STK39: variants seen among roughly 807,000 people sequenced by gnomAD.
STK39 encodes the protein serine/threonine kinase 39.
STK39 carries 20 observed loss-of-function variants against 77.8 expected under a neutral mutation model. The ratio of observed to expected loss-of-function variants is 0.26; its 90% CI spans 0.18 to 0.37. STK39 has a LOEUF of 0.37. Ranked by LOEUF, STK39 falls within the 10% of genes least tolerant of loss-of-function variation. The pLI, the probability that STK39 is intolerant of heterozygous loss-of-function variation, is 1.00. For synonymous variants in STK39, 246 were observed against 234.1 expected (o/e 1.05, Z -0.47); for missense variants, 479 against 656.5 (o/e 0.73, Z 2.95).
intron 10 of STK39, among the ~76,000 whole-genome samples, chr2:168,082,413 C>T (rs1686258246): frequency 6.6e-6 from 1 of 152,194 alleles, no homozygotes; most frequent in South Asian, 2.1e-4. Flanking sequence ...TGGTATCTGT[C>T]CCTACTAGGC....
At chr2:168,226,257 T>C (rs1353862532) in intron 1 of STK39, among the ~76,000 whole-genome samples, 3 of 152,126 alleles carry the variant, frequency 2.0e-5, no homozygotes, top group Non-Finnish European at 2.9e-5. Flanking sequence ...TCCCAGTCCA[T>C]ATGCAGACAT....
chr2:168,215,116 C>T (rs1689994111), intron 1 of STK39, among the ~76,000 whole-genome samples: 1 of 152,146 alleles, frequency 6.6e-6, no homozygotes, highest in African/African-American at 2.4e-5. Flanking sequence ...TCAAAAATGG[C>T]TTGCAACAGT....
chr2:167,960,160 C>T (rs1184365489), intron 17 of STK39, among the ~76,000 whole-genome samples: 1 of 152,182 alleles, frequency 6.6e-6, no homozygotes, highest in Non-Finnish European at 1.5e-5. Flanking sequence ...TTCCTCCCTG[C>T]ACCTGGAAGA....
chr2:168,246,699 T>G (rs1690913713), intron 1 of STK39, among the ~76,000 whole-genome samples: 1 of 152,098 alleles, frequency 6.6e-6, no homozygotes, highest in African/African-American at 2.4e-5. Flanking sequence ...CACTGGGGCC[T>G]CCGCGGCTTC....
intron 1 of STK39, among the ~76,000 whole-genome samples, chr2:168,212,717 TA>T (rs1318718650): frequency 6.6e-6 from 1 of 152,148 alleles, no homozygotes; most frequent in Non-Finnish European, 1.5e-5. Context: ...TTGTAAACAG[TA>T]AATTATAATA....
chr2:168,075,027 G>A lies in STK39; in HGVS notation c.1213-16C>T, dbSNP rs199640858. The A allele has an allele frequency of 3.1e-6, 5 of 1,613,696 alleles. No homozygotes were observed. Among genetic ancestry groups the A allele is most frequent in the Non-Finnish European group, 4.2e-6 (5 of 1,179,918 alleles). ...CTCTTCGTGACTGTAAAACAATTAT[G>A]TATCCATTAATATATATACACACAC... On this transcript the variant is annotated splice_polypyrimidine_tract_variant and intron_variant, in intron 11 of 17. Transcript: ENST00000355999.
intron 10 of STK39, among the ~76,000 whole-genome samples, chr2:168,121,275 A>G (rs1217063716): frequency 6.6e-6 from 1 of 152,218 alleles, no homozygotes; most frequent in Non-Finnish European, 1.5e-5. Flanking sequence ...GTAAAGTGTG[A>G]CAGTAACACC....
chr2:168,213,638 A>T (rs1270223082), intron 1 of STK39, among the ~76,000 whole-genome samples: 1 of 151,090 alleles, frequency 6.6e-6, no homozygotes, highest in African/African-American at 2.4e-5. Context: ...GTGAGCCAAG[A>T]TCACACCACT....
intron 16 of STK39, among the ~76,000 whole-genome samples, chr2:167,972,043 T>C (rs1692362066): frequency 6.6e-6 from 1 of 152,166 alleles, no homozygotes; most frequent in Admixed American, 6.5e-5. Flanking sequence ...CTGTGGTTGA[T>C]GAAACAAACA....
At chr2:167,956,667 GACACACACACACAC>G (rs762455680) in intron 17 of STK39, among the ~76,000 whole-genome samples, 1 of 47,922 alleles carries the variant, frequency 2.1e-5, no homozygotes, top group Non-Finnish European at 3.6e-5. Context: ...CTTGCTTTTA[GACACACACACACAC>G]ACACACACAC....
At chr2:168,041,198 G>A (rs1285952556) in intron 14 of STK39, among the ~76,000 whole-genome samples, 1 of 151,748 alleles carries the variant, frequency 6.6e-6, no homozygotes, top group African/African-American at 2.4e-5. Flanking sequence ...AGAAATATTT[G>A]CTATAATTAA....
At chr2:168,078,658 G>A (rs1448701385) in intron 10 of STK39, among the ~76,000 whole-genome samples, 1 of 144,326 alleles carries the variant, frequency 6.9e-6, no homozygotes, top group Non-Finnish European at 1.5e-5. Flanking sequence ...ACACTCTACT[G>A]AACAAAAGAA....
At chr2:168,177,808 A>T (rs1279263323) in intron 2 of STK39, among the ~76,000 whole-genome samples, 1 of 152,222 alleles carries the variant, frequency 6.6e-6, no homozygotes, top group African/African-American at 2.4e-5. Context: ...GGTCAGACCC[A>T]TTGGGCAAAT....
At chr2:168,235,380 CAAGG>C (rs1690574125) in intron 1 of STK39, among the ~76,000 whole-genome samples, 1 of 151,738 alleles carries the variant, frequency 6.6e-6, no homozygotes, top group Non-Finnish European at 1.5e-5. Context: ...TTTCCACCAA[CAAGG>C]AAACAATGTG....
At chr2:168,241,353 G>T (rs973311219) in intron 1 of STK39, among the ~76,000 whole-genome samples, 1 of 152,186 alleles carries the variant, frequency 6.6e-6, no homozygotes, top group Non-Finnish European at 1.5e-5. Flanking sequence ...CAAACTCAGA[G>T]GTGGAGGAAA....
At chr2:168,013,994 G>A (rs1304237097) in intron 15 of STK39, among the ~76,000 whole-genome samples, 5 of 151,868 alleles carry the variant, frequency 3.3e-5, no homozygotes, top group African/African-American at 1.2e-4. Flanking sequence ...AAGATCATTT[G>A]AAACACACCT....
At position 168,163,890 on chromosome 2, in the gene STK39, C is replaced by T; in HGVS notation, c.431-10G>A. On this transcript the variant is annotated splice_polypyrimidine_tract_variant and intron_variant, in intron 3 of 17. Coordinates refer to ENST00000355999, the MANE Select transcript of STK39 (RefSeq NM_013233.3). ...ATATCCAACATTGAACCTAAGTAGA[C>T]AAACAGAAGAATTAAAACATAAGCA... The T allele has an allele frequency of 6.2e-7, 1 of 1,610,628 alleles. No individual in the cohort carries two copies. Among genetic ancestry groups the T allele is most frequent in the Non-Finnish European group, 8.5e-7 (1 of 1,178,790 alleles).
intron 4 of STK39, 178 bp downstream of exon 4, chr2:168,163,561 C>T (rs1167741026): frequency 3.1e-6 from 3 of 978,576 alleles, no homozygotes; most frequent in Non-Finnish European, 3.6e-6. Context: ...CTGCCTGCAA[C>T]ATGTGTTTCC....
At chr2:167,993,420 C>A (rs1452547433) in intron 16 of STK39, among the ~76,000 whole-genome samples, 1 of 152,174 alleles carries the variant, frequency 6.6e-6, no homozygotes, top group Non-Finnish European at 1.5e-5. Flanking sequence ...GGTGTGGTGG[C>A]TCGTGCCTGT....
Sources: allele counts gnomAD v4.1 joint callset (sites outside exome capture counted in the v4.1 genomes callset), GRCh38; gene constraint gnomAD v4.1.1; transcripts MANE v1.5; gene names NCBI Gene and HGNC (gene_info 2026-07-23, HGNC 2026-07-21).